COX7A2L: variants seen among roughly 807,000 people sequenced by gnomAD.
The protein encoded by COX7A2L is cytochrome c oxidase subunit 7A2 like.
A neutral mutation model predicts 14.2 loss-of-function variants in COX7A2L; 18 were observed. The ratio of observed to expected loss-of-function variants is 1.27; its 90% CI spans 0.88 to 1.88. The LOEUF (loss-of-function observed/expected upper bound fraction) is 1.88, where lower values mean the gene tolerates loss of function less well. Among genes scored for constraint, COX7A2L ranks in the 40% most tolerant of loss-of-function variants. The pLI, the probability that COX7A2L is intolerant of heterozygous loss-of-function variation, is 0.00. For missense variants in COX7A2L, 179 were observed against 138.8 expected (o/e 1.29, Z -1.46); for synonymous variants, 65 against 57.4 (o/e 1.13, Z -0.60).
At chr2:42,364,476 AT>A (rs2103920113), upstream of COX7A2L, among the ~76,000 whole-genome samples, 1 of 152,262 alleles carries the variant, frequency 6.6e-6, no homozygotes, top group East Asian at 1.9e-4. Context: ...TTTTCCCAAC[AT>A]TTAAAACTGC....
chr2:42,337,407 T>C (rs933385252), intron 2 of COX7A2L, among the ~76,000 whole-genome samples: 3 of 151,886 alleles, frequency 2.0e-5, no homozygotes, highest in South Asian at 2.1e-4. Context: ...ATTCTTGAAA[T>C]GACAAAACTA....
intron 2 of COX7A2L, among the ~76,000 whole-genome samples, chr2:42,344,305 G>A (rs927416473): frequency 1.3e-5 from 2 of 152,068 alleles, no homozygotes; most frequent in Non-Finnish European, 2.9e-5. Flanking sequence ...AGAAACCTCT[G>A]CTTACACGTG....
In COX7A2L at chr2:42,337,630, A is replaced by G. The variant is rs542384236; in HGVS notation, c.193-3761T>C. On this transcript the variant is annotated intron_variant, in intron 2 of 2. Transcript: ENST00000468711. Reference sequence around the variant, plus strand: ...TGGTCTGGATTACTGTGTCCTTCCAATGTTACTTTCCTGGTCTCATATAGT... The same window carrying G: ...TGGTCTGGATTACTGTGTCCTTCCAGTGTTACTTTCCTGGTCTCATATAGT... 3.0e-4 allele frequency among the ~76,000 whole-genome samples: 45 copies of G among 152,224 alleles called. No homozygotes were observed. The South Asian group carries it at 4.2e-3, about 14-fold the overall frequency.
chr2:42,356,347 T>C lies in COX7A2L; in HGVS notation c.73-3004A>G, dbSNP rs371104492. Among the ~76,000 whole-genome samples the C allele has an allele frequency of 4.8e-4, 73 of 152,334 alleles. 2 individuals carry two copies. In the South Asian group the frequency reaches 0.015, roughly 31 times the overall value. ...ACTTATCACCACCTAACATACTATGTTTTACTTTGCTTACTGTGTCTCCCC... is the reference window on the plus strand; with the variant it reads ...ACTTATCACCACCTAACATACTATGCTTTACTTTGCTTACTGTGTCTCCCC... On this transcript the variant is annotated intron_variant, in intron 1 of 2. Coordinates refer to ENST00000234301, the MANE Select transcript of COX7A2L (RefSeq NM_004718.4).
At chr2:42,347,628 AG>A (rs1263173797), downstream of COX7A2L, among the ~76,000 whole-genome samples, 4 of 152,202 alleles carry the variant, frequency 2.6e-5, no homozygotes, top group African/African-American at 9.7e-5. Context: ...AAACAGGCAA[AG>A]AAAATGCGTT....
At chr2:42,365,065 A>T (rs1465331943), upstream of COX7A2L, among the ~76,000 whole-genome samples, 1 of 152,254 alleles carries the variant, frequency 6.6e-6, no homozygotes, top group Non-Finnish European at 1.5e-5. Context: ...ATTTTAAATC[A>T]TTTTAAATAC....
intron 2 of COX7A2L, among the ~76,000 whole-genome samples, chr2:42,352,183 T>C (rs1428142722): frequency 6.6e-6 from 1 of 152,144 alleles, no homozygotes; most frequent in Non-Finnish European, 1.5e-5. Flanking sequence ...TTCATCATCA[T>C]TTTAGAGACT....
chr2:42,337,939 C>T (rs1670318107), intron 2 of COX7A2L, among the ~76,000 whole-genome samples: 2 of 152,288 alleles, frequency 1.3e-5, no homozygotes, highest in South Asian at 4.1e-4. Flanking sequence ...TTCTAGCGCC[C>T]GCTCTGCTAC....
chr2:42,360,551 C>T (rs1248162635), intron 1 of COX7A2L, among the ~76,000 whole-genome samples: 1 of 152,192 alleles, frequency 6.6e-6, no homozygotes, highest in Non-Finnish European at 1.5e-5. Context: ...TGTAACCTCG[C>T]TGCATGCAAC....
rs142049617 is a variant in COX7A2L at position 42,349,865 on chromosome 2, A to C, written c.*1354T>G. 3.9e-5 allele frequency: 6 copies of C among 152,170 alleles called. No homozygotes were observed. The highest frequency in any genetic ancestry group is 7.4e-5 in the Non-Finnish European group (5 of 68,026). The allele number at this position is 152,170 out of a possible 1,614,324, so 9.4% of individuals were successfully genotyped here. On this transcript the variant is annotated 3_prime_UTR_variant, in exon 3 of 3. Coordinates refer to ENST00000234301, the MANE Select transcript of COX7A2L (RefSeq NM_004718.4). ...AAATGACTCAACAAAAAACAGATCT[A>C]TGTGTGTGTGCATATATGCATTGTG...
chr2:42,365,298 A>C (rs1671143597), upstream of COX7A2L, among the ~76,000 whole-genome samples: 1 of 152,218 alleles, frequency 6.6e-6, no homozygotes, highest in Non-Finnish European at 1.5e-5. Flanking sequence ...CACAGTGAGC[A>C]TACATGAGTT....
At chr2:42,360,131 CTCACTA>C (rs1670975197) in intron 1 of COX7A2L, 1 of 152,262 alleles carries the variant, frequency 6.6e-6, no homozygotes, top group Non-Finnish European at 1.5e-5. Flanking sequence ...ATCTGGGCCC[CTCACTA>C]CTGCAGTCTA....
rs1176116685 is a variant in COX7A2L, at chr2:42,339,081, G to A, written c.193-5212C>T. ...GTGAGGAAACCCTGCAGATGGCTCC[G>A]TTAATAAAGCTGCCGTTCACCATGC... On this transcript the variant is annotated intron_variant, in intron 2 of 2. Coordinates refer to the COX7A2L transcript ENST00000468711. This position sits in a 1 kb window ranked among gnomAD's most constrained non-coding sequence, Gnocchi z 5.4. 2.6e-5 allele frequency among the ~76,000 whole-genome samples: 4 copies of A among 152,234 alleles called. No individual in the cohort carries two copies. The highest frequency in any genetic ancestry group is 9.6e-5 in the African/African-American group (4 of 41,460).
chr2:42,336,431 G>A (rs1416014535), intron 2 of COX7A2L, among the ~76,000 whole-genome samples: 1 of 150,696 alleles, frequency 6.6e-6, no homozygotes, highest in African/African-American at 2.4e-5. Flanking sequence ...TCTCATTGAA[G>A]GCACTGAGAA....
intron 1 of COX7A2L, chr2:42,368,723 G>C (rs2103925511): frequency 6.6e-6 from 1 of 152,320 alleles, no homozygotes; most frequent in South Asian, 2.1e-4. Context: ...TTAAACTGCA[G>C]CAGTTACTGT....
intron 1 of COX7A2L, chr2:42,359,681 C>T (rs980822579): frequency 3.3e-5 from 5 of 152,108 alleles, no homozygotes; most frequent in African/African-American, 1.2e-4. Flanking sequence ...TATAATCCAA[C>T]CTTTCTTCCC....
chr2:42,362,844 G>A (rs1411792822), upstream of COX7A2L, among the ~76,000 whole-genome samples: 1 of 150,004 alleles, frequency 6.7e-6, no homozygotes, highest in African/African-American at 2.4e-5. Context: ...AGGATAAGTG[G>A]TTTGGGACTA....
At chr2:42,356,248 A>T (rs1258257710) in intron 1 of COX7A2L, among the ~76,000 whole-genome samples, 3 of 152,070 alleles carry the variant, frequency 2.0e-5, no homozygotes, top group Non-Finnish European at 2.9e-5. Context: ...GATCTTTCTG[A>T]CCACCCTTTT....
intron 1 of COX7A2L, among the ~76,000 whole-genome samples, chr2:42,368,529 T>C (rs1159384874): frequency 6.6e-6 from 1 of 152,228 alleles, no homozygotes; most frequent in Admixed American, 6.5e-5. Flanking sequence ...GAGGACCTTG[T>C]TAACCCAGTG....
Sources: gnomAD v4.1 joint callset for allele counts (sites outside exome capture counted in the v4.1 genomes callset) on GRCh38, gnomAD v4.1.1 for gene constraint, Gnocchi (gnomAD v3.1) non-coding constraint, MANE v1.5 for transcripts, NCBI Gene and HGNC (gene_info 2026-07-23, HGNC 2026-07-21) for gene names.